PSMF1: variants seen among roughly 807,000 people sequenced by gnomAD.
The protein encoded by PSMF1 is proteasome inhibitor PI31 subunit.
A neutral mutation model predicts 29.3 loss-of-function variants in PSMF1; 30 were observed. The ratio of observed to expected loss-of-function variants is 1.02; its 90% CI spans 0.77 to 1.39. The LOEUF (loss-of-function observed/expected upper bound fraction) is 1.39. Ranked by LOEUF, PSMF1 falls within the 40% of genes most tolerant of loss-of-function variation. The pLI, the probability that PSMF1 is intolerant of heterozygous loss-of-function variation, is 0.00. For missense variants in PSMF1, 344 were observed against 357.5 expected (o/e 0.96, Z 0.31); for synonymous variants, 134 against 139.7 (o/e 0.96, Z 0.29).
chr20:1,129,588 A>G (rs911451013), intron 3 of PSMF1, among the ~76,000 whole-genome samples: 1 of 152,244 alleles, frequency 6.6e-6, no homozygotes, highest in Non-Finnish European at 1.5e-5. Context: ...TCTTTCAGAC[A>G]TAGATCAGAT....
chr20:1,162,708 CTGTA>C (rs2086681811), intron 4 of PSMF1, among the ~76,000 whole-genome samples: 1 of 152,154 alleles, frequency 6.6e-6, no homozygotes, highest in Non-Finnish European at 1.5e-5. Flanking sequence ...ACTGTTCTAG[CTGTA>C]TGTGACTCCA....
intron 3 of PSMF1, 139 bp from the exon 4 acceptor site, chr20:1,134,982 G>T (rs2086283572): frequency 2.4e-6 from 2 of 837,052 alleles, no homozygotes; most frequent in Admixed American, 2.0e-5. Flanking sequence ...CAGGCGGCCT[G>T]TTCCCCCACT....
chr20:1,153,767 T>G (rs2086560704), intron 4 of PSMF1, among the ~76,000 whole-genome samples: 1 of 152,212 alleles, frequency 6.6e-6, no homozygotes, highest in Non-Finnish European at 1.5e-5. Flanking sequence ...TAAGTCTCAT[T>G]AGCTTGAAGG....
chr20:1,126,947 C>T (rs1036960318), intron 2 of PSMF1, among the ~76,000 whole-genome samples: 1 of 152,150 alleles, frequency 6.6e-6, no homozygotes, highest in African/African-American at 2.4e-5. Context: ...TTTCCAGAAG[C>T]AGTGTCCCAA....
intron 3 of PSMF1, among the ~76,000 whole-genome samples, chr20:1,132,195 C>T (rs996872240): frequency 2.0e-5 from 3 of 152,008 alleles, no homozygotes; most frequent in African/African-American, 4.8e-5. Flanking sequence ...TAATTCCTCC[C>T]ACTTTTTCTT....
chr20:1,123,516 G>A (rs1436258298), intron 1 of PSMF1, among the ~76,000 whole-genome samples: 1 of 151,944 alleles, frequency 6.6e-6, no homozygotes, highest in Non-Finnish European at 1.5e-5. Flanking sequence ...ATTTTTTGGG[G>A]AACTTTTCTT....
chr20:1,165,624 C>T lies in PSMF1; in HGVS notation c.*544C>T. 1 of 996,784 alleles carries T rather than the reference C, an allele frequency of 1.0e-6. No homozygotes were observed. Among genetic ancestry groups the T allele is most frequent in the Non-Finnish European group, 1.2e-6 (1 of 836,340 alleles). 61.7% of individuals were successfully genotyped at this position (996,784 alleles called of 1,614,324 possible). A position where few individuals can be genotyped will look rare whatever the true frequency, so the allele number is the denominator to read the frequency against. ...CTTCCGTTTATTAATTGCCATTGCT[C>T]CTGACATCACTAAGATGGGTCCCCT... is the stretch of plus-strand genomic sequence containing the variant. On this transcript the variant is annotated 3_prime_UTR_variant, in exon 7 of 7. Coordinates refer to ENST00000335877, the MANE Select transcript of PSMF1 (RefSeq NM_006814.5).
chr20:1,125,874 CAG>C (rs1228707573), intron 2 of PSMF1: 2 of 703,944 alleles, frequency 2.8e-6, no homozygotes, highest in East Asian at 5.5e-5. Flanking sequence ...TTTCTGTCAA[CAG>C]GGGAATGGTT....
intron 3 of PSMF1, among the ~76,000 whole-genome samples, chr20:1,131,725 G>A (rs1224471392): frequency 4.6e-5 from 7 of 152,336 alleles, no homozygotes; most frequent in Non-Finnish European, 7.3e-5. Context: ...TAAACCTATT[G>A]TGTTCCATTC....
In PSMF1 at chr20:1,163,290, TGGA is replaced by T. The variant is rs2086689347; in HGVS notation, c.605+113_605+115del. On this transcript the variant is annotated intron_variant, in intron 5 of 6. Coordinates refer to ENST00000335877, the MANE Select transcript of PSMF1 (RefSeq NM_006814.5). This position sits in a 1 kb window ranked among gnomAD's most constrained non-coding sequence, Gnocchi z 6.1. ...TTTCGGTCAGTCTCTTCCTTTGGGG[TGGA>T]GGAGGCAGTTGTTGCTGAGCAGCTG... The T allele has an allele frequency of 4.7e-6, 6 of 1,276,156 alleles. No individual in the cohort carries two copies. The highest frequency in any genetic ancestry group is 2.6e-5 in the South Asian group (2 of 78,190). The allele number at this position is 1,276,156 out of a possible 1,614,324, so 79.1% of individuals were successfully genotyped here.
intron 4 of PSMF1, among the ~76,000 whole-genome samples, chr20:1,162,427 T>G (rs534523967): frequency 6.6e-6 from 1 of 152,304 alleles, no homozygotes; most frequent in African/African-American, 2.4e-5. Context: ...ATAAGACTTT[T>G]GAAGGACTGT....
Position 1,163,066 on chromosome 20 carries a change from T to A in PSMF1, c.552-64T>A. On this transcript the variant is annotated intron_variant, in intron 4 of 6. Transcript: ENST00000335877. This position sits in a 1 kb window ranked among gnomAD's most constrained non-coding sequence, Gnocchi z 6.1. The stretch of plus-strand genomic sequence containing the variant: ...CCCATGCCTGTGAGTGTGTTTGTGA[T>A]CCCACATGTATCAGGTGCCTGGCTG... 1 of 1,569,638 alleles carries A rather than the reference T, an allele frequency of 6.4e-7. No homozygotes were observed. The highest frequency in any genetic ancestry group is 2.2e-5 in the East Asian group (1 of 44,574).
intron 1 of PSMF1, among the ~76,000 whole-genome samples, chr20:1,120,657 G>A (rs2086075542): frequency 6.6e-6 from 1 of 152,180 alleles, no homozygotes; most frequent in Non-Finnish European, 1.5e-5. Context: ...TGGTATGTGG[G>A]ATGGTGCAGG....
At chr20:1,139,060 C>T (rs1160219848) in intron 4 of PSMF1, among the ~76,000 whole-genome samples, 2 of 152,014 alleles carry the variant, frequency 1.3e-5, no homozygotes, top group Admixed American at 1.3e-4. Context: ...CCTGTAATCC[C>T]AGCTACTCGG....
intron 4 of PSMF1, among the ~76,000 whole-genome samples, chr20:1,151,105 C>T (rs1600165664): frequency 6.6e-6 from 1 of 152,150 alleles, no homozygotes; most frequent in Admixed American, 6.5e-5. Context: ...TCATTCCTTT[C>T]GCCTTGGAGT....
chr20:1,141,832 A>G (rs2086384187), intron 4 of PSMF1, among the ~76,000 whole-genome samples: 1 of 152,244 alleles, frequency 6.6e-6, no homozygotes, highest in African/African-American at 2.4e-5. Context: ...CAGATACCAG[A>G]TTAACATACA....
chr20:1,140,210 A>G (rs1016886053), intron 4 of PSMF1, among the ~76,000 whole-genome samples: 2 of 152,248 alleles, frequency 1.3e-5, no homozygotes, highest in African/African-American at 4.8e-5. Flanking sequence ...ACTTATTACA[A>G]AGCTTCAATC....
At chr20:1,151,904 T>C (rs2086535476) in intron 4 of PSMF1, among the ~76,000 whole-genome samples, 1 of 151,852 alleles carries the variant, frequency 6.6e-6, no homozygotes, top group South Asian at 2.1e-4. Flanking sequence ...CTTGTAGAAG[T>C]GGGGGAGTTT....
rs2086718345 is a variant in PSMF1 at position 1,165,470 on chromosome 20, G to T, written c.*390G>T. The T allele has an allele frequency of 8.7e-6, 9 of 1,033,284 alleles. No individual in the cohort carries two copies. The South Asian group carries it at 3.8e-4, about 43-fold the overall frequency. The allele number at this position is 1,033,284 out of a possible 1,614,324, so 64.0% of individuals were successfully genotyped here. On this transcript the variant is annotated 3_prime_UTR_variant, in exon 7 of 7. Coordinates refer to ENST00000335877, the MANE Select transcript of PSMF1 (RefSeq NM_006814.5). ...CAAATGTCAATACAGAATTCATGTT[G>T]CCGGTTTCCCACTTTTCTTTTTACA... is the stretch of plus-strand genomic sequence containing the variant.
Sources: allele counts gnomAD v4.1 joint callset (sites outside exome capture counted in the v4.1 genomes callset), GRCh38; gene constraint gnomAD v4.1.1; non-coding constraint Gnocchi (gnomAD v3.1); transcripts MANE v1.5; gene names NCBI Gene and HGNC (gene_info 2026-07-23, HGNC 2026-07-21).